Variants in PAQR5 observed in about 807,000 individuals in gnomAD.
PAQR5 encodes progestin and adipoQ receptor family member 5, also known as membrane progestin receptor gamma.
In PAQR5, 20 loss-of-function variants were observed where a neutral mutation model predicts 34.5. The observed-to-expected ratio is 0.58, with a 90% CI of 0.41 to 0.84. PAQR5 has a LOEUF of 0.84. Among genes scored for constraint, PAQR5 ranks in the 40% least tolerant of loss-of-function variants. PAQR5 has a pLI of 0.00. For synonymous variants in PAQR5, 131 were observed against 155.6 expected, an observed-to-expected ratio of 0.84 and a Z score of 1.18; for missense variants, 378 against 412.7, an observed-to-expected ratio of 0.92 and a Z score of 0.73.
Position 69,383,673 on chromosome 15 carries a change from A to G in PAQR5, c.180-1004A>G, listed in dbSNP as rs868182642. Among the ~76,000 whole-genome samples, 166 of 57,172 alleles carry G rather than the reference A, an allele frequency of 2.9e-3. 2 individuals are homozygous for G. The highest frequency in any genetic ancestry group is 0.018 in the Middle Eastern group (1 of 56). 37.5% of individuals were successfully genotyped at this position (57,172 alleles called of 152,430 possible). On this transcript the variant is annotated intron_variant, in intron 4 of 8. Coordinates refer to ENST00000395407, the MANE Select transcript of PAQR5 (RefSeq NM_017705.4). ...CGTGGAGGGTGAGCGGGCCCTCTGT[A>G]TTCATGGTGGAGGGTGAGTGGGCCT... is the stretch of plus-strand genomic sequence containing the variant.
At chr15:69,315,003 C>T (rs1013368790) in intron 1 of PAQR5, among the ~76,000 whole-genome samples, 7 of 152,146 alleles carry the variant, frequency 4.6e-5, no homozygotes, top group Admixed American at 6.5e-5. Context: ...TGTGATCTTA[C>T]GGACCACTCT....
chr15:69,375,238 C>G (rs1190016611), intron 3 of PAQR5, among the ~76,000 whole-genome samples: 1 of 152,188 alleles, frequency 6.6e-6, no homozygotes, highest in Non-Finnish European at 1.5e-5. Flanking sequence ...GATGGCCACT[C>G]TCTTGCTGCC....
At chr15:69,395,214 G>A (rs2056386281) in intron 6 of PAQR5, among the ~76,000 whole-genome samples, 1 of 152,214 alleles carries the variant, frequency 6.6e-6, no homozygotes, top group Non-Finnish European at 1.5e-5. Context: ...CTGGCTCTCG[G>A]GATAGCAGGA....
At chr15:69,397,666 GAACAA>G (rs1239224490) in intron 7 of PAQR5, 102 bp downstream of exon 7, 1 of 816,006 alleles carries the variant, frequency 1.2e-6, no homozygotes, top group Non-Finnish European at 2.2e-6. Flanking sequence ...GGGAACCGCA[GAACAA>G]AACAGGAGTC....
Position 69,388,455 on chromosome 15 carries a change from G to A in PAQR5, c.386-1199G>A, listed in dbSNP as rs1424546563. 3.3e-5 allele frequency among the ~76,000 whole-genome samples: 5 copies of A among 152,196 alleles called. No individual in the cohort carries two copies. In the South Asian group the frequency reaches 1.0e-3, roughly 31 times the overall value. ...TGCCCCACACTGGAACCTGACTCAGGCTCTGGTCTTTTGCTTCTGGCTGCG... is the reference window on the plus strand; with the variant it reads ...TGCCCCACACTGGAACCTGACTCAGACTCTGGTCTTTTGCTTCTGGCTGCG... On this transcript the variant is annotated intron_variant, in intron 5 of 8. Coordinates refer to ENST00000395407, the MANE Select transcript of PAQR5 (RefSeq NM_017705.4).
chr15:69,368,287 A>C (rs1385500647), intron 3 of PAQR5, among the ~76,000 whole-genome samples: 4 of 152,222 alleles, frequency 2.6e-5, no homozygotes, highest in Admixed American at 1.3e-4. Context: ...TCCTGACCAC[A>C]GGTGATCTGC....
rs185402425 is a variant in PAQR5, at chr15:69,309,405, A to C, written c.-277+10349A>C. 4.6e-5 allele frequency among the ~76,000 whole-genome samples: 7 copies of C among 152,296 alleles called. No individual in the cohort carries two copies. In the East Asian group the frequency reaches 1.4e-3, roughly 29 times the overall value. On this transcript the variant is annotated intron_variant, in intron 1 of 8. Coordinates refer to ENST00000395407, the MANE Select transcript of PAQR5 (RefSeq NM_017705.4). ...AAGTGCCTGGGGATTTTGAAGTGCTATGAGGAGGAACCAGACTTAGATGGT... is the reference window on the plus strand; with the variant it reads ...AAGTGCCTGGGGATTTTGAAGTGCTCTGAGGAGGAACCAGACTTAGATGGT...
intron 6 of PAQR5, 62 bp from the exon 7 acceptor site, chr15:69,397,406 G>C (rs113410458): frequency 1.9e-6 from 2 of 1,059,678 alleles, no homozygotes; most frequent in Admixed American, 3.4e-5. Flanking sequence ...ATGCATGTGC[G>C]TATGCAATTT....
intron 6 of PAQR5, among the ~76,000 whole-genome samples, chr15:69,394,221 TAGA>T (rs143397652): frequency 0.99 from 150,931 of 152,052 alleles, 74,919 homozygotes; most frequent in Middle Eastern, 1. Context: ...AAGGACAGCT[TAGA>T]GGCAGTTGCT....
intron 2 of PAQR5, among the ~76,000 whole-genome samples, chr15:69,352,456 G>A (rs961035913): frequency 1.3e-5 from 2 of 152,218 alleles, no homozygotes; most frequent in Non-Finnish European, 2.9e-5. Flanking sequence ...TAAGTTATAT[G>A]AAGAAGTGAC....
At position 69,384,697 on chromosome 15, in the gene PAQR5, T is replaced by C. The variant is rs776119201; in HGVS notation, c.200T>C (p.Val67Ala). The change falls in exon 5 of 9, where the codon GTG (valine) becomes GCG (alanine). Residue 67 changes from valine (V) to alanine (A), a missense_variant. Physicochemically the swap from Val to Ala is moderately conservative, Grantham distance 64. Transcript: ENST00000395407. Reference sequence around the variant, plus strand: ...TCCAGGTTCTTTGCATGGAGGTTTGTGACTGCACTGTATATGACAGACATC... The same window carrying C: ...TCCAGGTTCTTTGCATGGAGGTTTGCGACTGCACTGTATATGACAGACATC... ...LPFWFFAWRF[V>A]TALYMTDIKN... is the part of the protein sequence containing the mutation. The C allele has an allele frequency of 6.2e-7, 1 of 1,613,950 alleles. No homozygotes were observed. Among genetic ancestry groups the C allele is most frequent in the Non-Finnish European group, 8.5e-7 (1 of 1,179,856 alleles).
chr15:69,312,670 T>C (rs4371109), intron 1 of PAQR5, among the ~76,000 whole-genome samples: 61,595 of 149,318 alleles, frequency 0.41, 13,025 homozygotes, highest in African/African-American at 0.52. Flanking sequence ...CCATACCTGG[T>C]GACTGCTTCT....
At chr15:69,365,097 ATTTTATTTTAT>A (rs1482297384) in intron 3 of PAQR5, among the ~76,000 whole-genome samples, 1 of 28,836 alleles carries the variant, frequency 3.5e-5, no homozygotes, top group African/African-American at 6.8e-5. Flanking sequence ...ATTTTATTTT[ATTTTATTTTAT>A]TTTATTTATT....
intron 3 of PAQR5, among the ~76,000 whole-genome samples, chr15:69,367,139 T>C (rs983284877): frequency 6.6e-6 from 1 of 152,198 alleles, no homozygotes; most frequent in African/African-American, 2.4e-5. Context: ...TAGCTGACAG[T>C]TTAGTCTACT....
intron 1 of PAQR5, among the ~76,000 whole-genome samples, chr15:69,311,887 A>G (rs2053842122): frequency 6.6e-6 from 1 of 152,202 alleles, no homozygotes; most frequent in African/African-American, 2.4e-5. Flanking sequence ...TCCTGCAGGT[A>G]CAATTGAGAC....
Position 69,360,406 on chromosome 15 carries a change from G to A in PAQR5, c.51+275G>A, listed in dbSNP as rs148440114. ...AGTCATTACTGAGATTCAACCTGAA[G>A]AGATAAAGCCAGCAGCAGCTGGCTG... On this transcript the variant is annotated intron_variant, in intron 3 of 8. Transcript: ENST00000395407. 1.3e-3 allele frequency among the ~76,000 whole-genome samples: 203 copies of A among 152,370 alleles called. 1 individual carries two copies. Among genetic ancestry groups the A allele is most frequent in the African/African-American group, 4.5e-3 (186 of 41,584 alleles).
At chr15:69,378,757 T>C (rs1191429499) in intron 3 of PAQR5, among the ~76,000 whole-genome samples, 1 of 152,184 alleles carries the variant, frequency 6.6e-6, no homozygotes, top group African/African-American at 2.4e-5. Flanking sequence ...GGTCCTTACC[T>C]GGGGGCGATT....
chr15:69,315,345 A>G (rs2053922903), intron 1 of PAQR5, among the ~76,000 whole-genome samples: 1 of 152,204 alleles, frequency 6.6e-6, no homozygotes, highest in Non-Finnish European at 1.5e-5. Flanking sequence ...ATAATAAAAG[A>G]AAAGAAAAGT....
At chr15:69,378,264 TAAAAAAAA>T (rs71149912) in intron 3 of PAQR5, among the ~76,000 whole-genome samples, 1 of 59,684 alleles carries the variant, frequency 1.7e-5, no homozygotes, top group East Asian at 6.2e-4. Flanking sequence ...GACTCCATCT[TAAAAAAAA>T]AAAAAAAAAA....
Sources: allele counts gnomAD v4.1 joint callset (sites outside exome capture counted in the v4.1 genomes callset), GRCh38; gene constraint gnomAD v4.1.1; transcripts MANE v1.5; gene names NCBI Gene and HGNC (gene_info 2026-07-23, HGNC 2026-07-21).